PPP1CC: variants seen among roughly 807,000 people sequenced by gnomAD.
The protein encoded by PPP1CC is protein phosphatase 1 catalytic subunit gamma.
In PPP1CC, 16 loss-of-function variants were observed where a neutral mutation model predicts 38.4. The observed-to-expected ratio is 0.42, with a 90% CI of 0.28 to 0.63. The LOEUF (loss-of-function observed/expected upper bound fraction) is 0.63. Among genes scored for constraint, PPP1CC ranks in the 30% least tolerant of loss-of-function variants. The pLI, the probability that PPP1CC is intolerant of heterozygous loss-of-function variation, is 0.25. For synonymous variants in PPP1CC, 158 were observed against 136.0 expected (o/e 1.16, Z -1.13); for missense variants, 170 against 391.3 (o/e 0.43, Z 4.77).
At chr12:110,728,448 A>G (rs1474405532) in intron 3 of PPP1CC, among the ~76,000 whole-genome samples, 2 of 151,876 alleles carry the variant, frequency 1.3e-5, no homozygotes, top group African/African-American at 2.4e-5. Context: ...AACACTTGGA[A>G]TAAGTATCCA....
the PPP1CC span, among the ~76,000 whole-genome samples, chr12:110,713,597 T>G: frequency 6.6e-6 from 1 of 152,150 alleles, no homozygotes; most frequent in South Asian, 2.1e-4. Context: ...GCCAATATTT[T>G]TCCTAGAGCG....
chr12:110,727,612 TA>T (rs60861001), intron 3 of PPP1CC, among the ~76,000 whole-genome samples: 24,601 of 133,192 alleles, frequency 0.18, 2,761 homozygotes, highest in African/African-American at 0.37. Context: ...TTTACAAAGT[TA>T]AAAAAAAAAA....
chr12:110,742,886 GAGA>G lies in PPP1CC; in HGVS notation c.-182_-180del. ...CTCCTTCTCTCCCCACTGGAACCAC[GAGA>G]AGAACAAAATGGCCGCCGACTCCTT... On this transcript the variant is annotated 5_prime_UTR_variant, in exon 1 of 7. Coordinates refer to ENST00000335007, the MANE Select transcript of PPP1CC (RefSeq NM_002710.4). The G allele has an allele frequency of 2.4e-6, 1 of 424,876 alleles. No homozygotes were observed. The highest frequency in any genetic ancestry group is 3.6e-5 in the East Asian group (1 of 27,826). The allele number at this position is 424,876 out of a possible 1,614,324, so 26.3% of individuals were successfully genotyped here. A position where few individuals can be genotyped will look rare whatever the true frequency, so the allele number is the denominator to read the frequency against.
At chr12:110,715,113 G>C (rs2069678053), downstream of PPP1CC, among the ~76,000 whole-genome samples, 1 of 151,904 alleles carries the variant, frequency 6.6e-6, no homozygotes, top group Admixed American at 6.6e-5. Context: ...TCCTCTCTGG[G>C]AGACATGGTG....
At chr12:110,737,736 G>A (rs572568451) in intron 1 of PPP1CC, among the ~76,000 whole-genome samples, 1 of 151,818 alleles carries the variant, frequency 6.6e-6, no homozygotes, top group Admixed American at 6.6e-5. Context: ...CTTGTGGCCA[G>A]GAGTTAAAGA....
chr12:110,710,489 C>A, the PPP1CC span, among the ~76,000 whole-genome samples: 2 of 149,498 alleles, frequency 1.3e-5, no homozygotes, highest in African/African-American at 5.0e-5. Context: ...GAGGCCAAGG[C>A]GGGTGGATCA....
Position 110,722,439 on chromosome 12 carries a change from C to G in PPP1CC, c.747+33G>C. 5.0e-6 allele frequency: 8 copies of G among 1,604,286 alleles called. No individual in the cohort carries two copies. Among genetic ancestry groups the G allele is most frequent in the Non-Finnish European group, 6.8e-6 (8 of 1,171,078 alleles). ...GAGAATCTGTGCTCACACACATGCT[C>G]TTAAGTGTACATGTAAAATTCAAAA... On this transcript the variant is annotated intron_variant, in intron 5 of 6. Coordinates refer to ENST00000335007, the MANE Select transcript of PPP1CC (RefSeq NM_002710.4). This position sits in a 1 kb window ranked among gnomAD's most constrained non-coding sequence, Gnocchi z 5.4.
chr12:110,736,136 C>T (rs2069942180), intron 1 of PPP1CC, among the ~76,000 whole-genome samples: 1 of 152,092 alleles, frequency 6.6e-6, no homozygotes, highest in African/African-American at 2.4e-5. Flanking sequence ...GCAACACCAA[C>T]TTAGACCTAA....
At chr12:110,717,896 C>T (rs2069700152), downstream of PPP1CC, among the ~76,000 whole-genome samples, 1 of 152,206 alleles carries the variant, frequency 6.6e-6, no homozygotes, top group African/African-American at 2.4e-5. Context: ...TAAGATTTTT[C>T]ATGCAGCACT....
chr12:110,716,238 T>C (rs1555242228), downstream of PPP1CC, among the ~76,000 whole-genome samples: 1 of 152,214 alleles, frequency 6.6e-6, no homozygotes, highest in Non-Finnish European at 1.5e-5. Context: ...TCCTGATATT[T>C]TGCATGCCTT....
At chr12:110,738,724 C>T (rs567652489) in intron 1 of PPP1CC, among the ~76,000 whole-genome samples, 11 of 152,294 alleles carry the variant, frequency 7.2e-5, no homozygotes, top group Non-Finnish European at 1.3e-4. Flanking sequence ...GCAAGCACAA[C>T]GTCACACACA....
chr12:110,715,065 CTT>C (rs2069677817), downstream of PPP1CC, among the ~76,000 whole-genome samples: 2 of 151,852 alleles, frequency 1.3e-5, no homozygotes, highest in Non-Finnish European at 2.9e-5. Context: ...TTACTGTTCT[CTT>C]GTTCACCAGC....
rs368374375 is a variant in PPP1CC, at chr12:110,741,714, T to C, written c.55+939A>G. ...TGTAGAGGGTTCTAGCTCCCGGCTA[T>C]GTGGATTTGAAATCCAACTGTCACT... On this transcript the variant is annotated intron_variant, in intron 1 of 6. Coordinates refer to ENST00000335007, the MANE Select transcript of PPP1CC (RefSeq NM_002710.4). Among the ~76,000 whole-genome samples the C allele has an allele frequency of 1.2e-4, 19 of 152,362 alleles. No individual in the cohort carries two copies. The East Asian group carries it at 2.1e-3, about 17-fold the overall frequency.
chr12:110,739,556 GAAC>G (rs2069989321), intron 1 of PPP1CC, among the ~76,000 whole-genome samples: 2 of 152,060 alleles, frequency 1.3e-5, no homozygotes, highest in Non-Finnish European at 2.9e-5. Context: ...CCTACCTTCA[GAAC>G]AACCCTTATG....
chr12:110,735,618 C>T (rs1416437370), intron 1 of PPP1CC, among the ~76,000 whole-genome samples: 1 of 150,964 alleles, frequency 6.6e-6, no homozygotes, highest in Admixed American at 6.6e-5. Flanking sequence ...CCCATCTCTA[C>T]TAAAAATACA....
chr12:110,741,114 C>T (rs1431709075), intron 1 of PPP1CC, among the ~76,000 whole-genome samples: 2 of 151,928 alleles, frequency 1.3e-5, no homozygotes, highest in East Asian at 3.8e-4. Context: ...AGGTTTTCAC[C>T]TACAATACAA....
rs1258117118 is a variant in PPP1CC, at chr12:110,742,795, G to A, written c.-88C>T. 3 of 1,118,496 alleles carry A rather than the reference G, an allele frequency of 2.7e-6. No homozygotes were observed. Among genetic ancestry groups the A allele is most frequent in the East Asian group, 3.2e-5 (1 of 31,098 alleles). 69.3% of individuals were successfully genotyped at this position (1,118,496 alleles called of 1,614,324 possible). A position where few individuals can be genotyped will look rare whatever the true frequency, so the allele number is the denominator to read the frequency against. Reference sequence around the variant, plus strand: ...CCTCCTTTCCCACGCCACGAGCAGAGGCGGTGGTGGCGGCGGTGGCAGCAG... The same window carrying A: ...CCTCCTTTCCCACGCCACGAGCAGAAGCGGTGGTGGCGGCGGTGGCAGCAG... On this transcript the variant is annotated 5_prime_UTR_variant, in exon 1 of 7. Transcript: ENST00000335007.
At chr12:110,737,171 C>T (rs998451798) in intron 1 of PPP1CC, among the ~76,000 whole-genome samples, 3 of 152,100 alleles carry the variant, frequency 2.0e-5, no homozygotes, top group Admixed American at 2.0e-4. Flanking sequence ...GTATAAACCA[C>T]AAAAATGTTA....
intron 2 of PPP1CC, 77 bp from the exon 3 acceptor site, chr12:110,730,836 C>T: frequency 1.0e-6 from 1 of 961,058 alleles, no homozygotes; most frequent in Non-Finnish European, 1.6e-6. Context: ...GAAAGACATT[C>T]TTTAAATATT....
Sources: gnomAD v4.1 joint callset for allele counts (sites outside exome capture counted in the v4.1 genomes callset) on GRCh38, gnomAD v4.1.1 for gene constraint, Gnocchi (gnomAD v3.1) non-coding constraint, MANE v1.5 for transcripts, NCBI Gene and HGNC (gene_info 2026-07-23, HGNC 2026-07-21) for gene names.